OR8D1: variants seen among roughly 807,000 people sequenced by gnomAD.
The protein encoded by OR8D1 is olfactory receptor family 8 subfamily D member 1.
For synonymous variants in OR8D1, 143 were observed against 147.0 expected, an observed-to-expected ratio of 0.97 and a Z score of 0.20; for missense variants, 384 against 366.8, an observed-to-expected ratio of 1.05 and a Z score of -0.38.
Position 124,309,894 on chromosome 11 carries a change from A to C in OR8D1, c.873T>G (p.Ser291Arg). 6.6e-7 allele frequency: 1 copy of C among 1,504,370 alleles called. No homozygotes were observed. The highest frequency in any genetic ancestry group is 1.4e-5 in the African/African-American group (1 of 71,610). The allele number at this position is 1,504,370 out of a possible 1,614,324, so 93.2% of individuals were successfully genotyped here. ...CTTTCTTCACATCCTTATTCCTCAG[A>C]CTGTATATTAAAGGGTTCAGCATGG... ...VIPMLNPLIYSLRNKDVKKAL... is the reference protein window; with the variant it reads ...VIPMLNPLIYRLRNKDVKKAL... The change falls in exon 3 of 3, where the codon AGT becomes AGG. Residue 291 changes from serine to arginine, a missense_variant. Coordinates refer to ENST00000641015, the MANE Select transcript of OR8D1 (RefSeq NM_001002917.2).
chr11:124,313,089 G>A (rs764903770), intron 1 of OR8D1, among the ~76,000 whole-genome samples: 29 of 151,508 alleles, frequency 1.9e-4, no homozygotes, highest in Non-Finnish European at 3.5e-4. Context: ...CAGGAGAATC[G>A]CTTGAACCTG....
Position 124,310,794 on chromosome 11 carries a change from G to T in OR8D1, c.-16-12C>A. 1 of 1,560,924 alleles carries T rather than the reference G, an allele frequency of 6.4e-7. No individual in the cohort carries two copies. Among genetic ancestry groups the T allele is most frequent in the East Asian group, 2.3e-5 (1 of 44,434 alleles). On this transcript the variant is annotated splice_polypyrimidine_tract_variant and intron_variant, in intron 2 of 2. Transcript: ENST00000641015. ...TTCTTTAGGCATTTCTGTGAAAATA[G>T]AAAGTATGAATTACCTTAACATGGA... is the stretch of plus-strand genomic sequence containing the variant.
In OR8D1 at chr11:124,305,534, G is replaced by T. The variant is rs1294775157; in HGVS notation, c.*4306C>A. 1 of 151,558 alleles carries T rather than the reference G, an allele frequency of 6.6e-6. No individual in the cohort carries two copies. Among genetic ancestry groups the T allele is most frequent in the Non-Finnish European group, 1.5e-5 (1 of 67,782 alleles). 9.4% of individuals were successfully genotyped at this position (151,558 alleles called of 1,614,324 possible). On this transcript the variant is annotated 3_prime_UTR_variant, in exon 3 of 3. Coordinates refer to ENST00000641015, the MANE Select transcript of OR8D1 (RefSeq NM_001002917.2). ...ATATAGTGGGTACTTCTTGAAGATG[G>T]GTATTGACTCGGGAAAAGCAAAAGG...
In OR8D1 at chr11:124,310,116, G is replaced by A. The variant is rs776973252; in HGVS notation, c.651C>T (p.Ser217=). The A allele has an allele frequency of 6.2e-7, 1 of 1,613,700 alleles. No homozygotes were observed. The highest frequency in any genetic ancestry group is 1.7e-5 in the Admixed American group (1 of 59,954). Residue 217 remains serine (S), a synonymous_variant, in exon 3 of 3, where the codon TCC becomes TCT. Coordinates refer to ENST00000641015, the MANE Select transcript of OR8D1 (RefSeq NM_001002917.2). ...GGATGCTGTAGAGGATGAAGGCATA[G>A]GAGACAGCAACAGCTAGGGTGGGCA... ...TLVPTLAVAV[S]YAFILYSILH...
In OR8D1 at chr11:124,305,485, GA is replaced by G. The variant is rs1862361590; in HGVS notation, c.*4354del. 6.6e-6 allele frequency: 1 copy of G among 151,060 alleles called. No homozygotes were observed. Among genetic ancestry groups the G allele is most frequent in the Admixed American group, 6.6e-5 (1 of 15,124 alleles). 9.4% of individuals were successfully genotyped at this position (151,060 alleles called of 1,614,324 possible). A position where few individuals can be genotyped will look rare whatever the true frequency, so the allele number is the denominator to read the frequency against. On this transcript the variant is annotated 3_prime_UTR_variant, in exon 3 of 3. Transcript: ENST00000641015. ...GTTTGTATACAGTTCAAAAAAAAAA[GA>G]AAATGACCAATTGTACAAGTCAATA... is the stretch of plus-strand genomic sequence containing the variant.
rs515395 is a variant in OR8D1 at position 124,311,553 on chromosome 11, C to T, written c.-17+19G>A. The T allele has an allele frequency of 0.24, 36,792 of 152,108 alleles. 4,869 individuals carry two copies. Among genetic ancestry groups the T allele is most frequent in the South Asian group, 0.35 (1,689 of 4,802 alleles). 9.4% of individuals were successfully genotyped at this position (152,108 alleles called of 1,614,324 possible). On this transcript the variant is annotated intron_variant, in intron 2 of 2. Transcript: ENST00000641015. The stretch of plus-strand genomic sequence containing the variant: ...CTTCCCCCCTGACTTACGAGATCCG[C>T]ACACCCCACAGAACAGACCTTACGG...
chr11:124,312,454 T>C (rs1002342254), intron 1 of OR8D1, among the ~76,000 whole-genome samples: 1 of 151,834 alleles, frequency 6.6e-6, no homozygotes, highest in Non-Finnish European at 1.5e-5. Context: ...AGCAGAGCTA[T>C]GCAAGCTGAA....
In OR8D1 at chr11:124,310,630, A is replaced by C. The variant is rs777343088; in HGVS notation, c.137T>G (p.Ile46Ser). The change falls in exon 3 of 3, where the codon ATT becomes AGT. Residue 46 changes from isoleucine to serine, a missense_variant. By Grantham distance (142) the Ile-to-Ser change is moderately radical (BLOSUM62 -2). Transcript: ENST00000641015. ...VVTVVGNLGM[I>S]LLIAVSPLLH... ...TAGAGGGCTGACTGCAATCAGGAGA[A>C]TCATGCCCAGGTTGCCCACTACTGT... The C allele has an allele frequency of 6.2e-7, 1 of 1,613,968 alleles. No homozygotes were observed. The highest frequency in any genetic ancestry group is 1.7e-4 in the Middle Eastern group (1 of 6,060).
Position 124,307,509 on chromosome 11 carries a change from C to G in OR8D1, c.*2331G>C, listed in dbSNP as rs1862378575. The G allele has an allele frequency of 6.6e-6, 1 of 152,114 alleles. No individual in the cohort carries two copies. Among genetic ancestry groups the G allele is most frequent in the Non-Finnish European group, 1.5e-5 (1 of 68,040 alleles). The allele number at this position is 152,114 out of a possible 1,614,324, so 9.4% of individuals were successfully genotyped here. ...CAAATGCCTCAGGAAAGGCTGTCTT[C>G]TGAAAAATGTGAGCAAAGTGAGGCT... On this transcript the variant is annotated 3_prime_UTR_variant, in exon 3 of 3. Transcript: ENST00000641015.
rs951091197 is a variant in OR8D1, at chr11:124,309,207, A to T, written c.*633T>A. 1 of 147,536 alleles carries T rather than the reference A, an allele frequency of 6.8e-6. No homozygotes were observed. The highest frequency in any genetic ancestry group is 2.4e-5 in the African/African-American group (1 of 41,168). The allele number at this position is 147,536 out of a possible 1,614,324, so 9.1% of individuals were successfully genotyped here. A position where few individuals can be genotyped will look rare whatever the true frequency, so the allele number is the denominator to read the frequency against. On this transcript the variant is annotated 3_prime_UTR_variant, in exon 3 of 3. Transcript: ENST00000641015. ...TAAAGTAGATATACAAATACAAAAA[A>T]AACAAAACCAGATCCATGAAGAACA...
chr11:124,313,112 T>C (rs1862436566), intron 1 of OR8D1, among the ~76,000 whole-genome samples: 1 of 151,032 alleles, frequency 6.6e-6, no homozygotes, highest in South Asian at 2.1e-4. Flanking sequence ...AGGCAGAGGT[T>C]GCAATGAGCC....
intron 2 of OR8D1, among the ~76,000 whole-genome samples, chr11:124,311,205 C>T (rs1004987466): frequency 1.3e-5 from 2 of 152,254 alleles, no homozygotes; most frequent in Admixed American, 1.3e-4. Context: ...GAGGATGACG[C>T]CTCAGCCTCG....
intron 2 of OR8D1, 63 bp from the exon 3 acceptor site, chr11:124,310,845 C>A: frequency 9.3e-7 from 1 of 1,079,322 alleles, no homozygotes; most frequent in Admixed American, 2.3e-5. Flanking sequence ...CAAACAAAAC[C>A]AAATTGCATA....
chr11:124,307,822 C>G lies in OR8D1; in HGVS notation c.*2018G>C, dbSNP rs762340145. On this transcript the variant is annotated 3_prime_UTR_variant, in exon 3 of 3. Coordinates refer to ENST00000641015, the MANE Select transcript of OR8D1 (RefSeq NM_001002917.2). The stretch of plus-strand genomic sequence containing the variant: ...TTAACTCTCACCAAATGGTCTCAAG[C>G]TCTCCCTGGATTTGTTAAATGTATA... 6.6e-6 allele frequency: 1 copy of G among 152,072 alleles called. No individual in the cohort carries two copies. The highest frequency in any genetic ancestry group is 1.9e-4 in the East Asian group (1 of 5,180). The allele number at this position is 152,072 out of a possible 1,614,324, so 9.4% of individuals were successfully genotyped here. A position where few individuals can be genotyped will look rare whatever the true frequency, so the allele number is the denominator to read the frequency against.
At position 124,304,783 on chromosome 11, in the gene OR8D1, A is replaced by T. The variant is rs1862354239; in HGVS notation, c.*5057T>A. 6.6e-6 allele frequency: 1 copy of T among 151,916 alleles called. No homozygotes were observed. Among genetic ancestry groups the T allele is most frequent in the Non-Finnish European group, 1.5e-5 (1 of 67,890 alleles). 9.4% of individuals were successfully genotyped at this position (151,916 alleles called of 1,614,324 possible). ...ATTGGTTGTAGGAATTATTTATAAA[A>T]GTTGGATATAAGTCATTTGTTGGAC... On this transcript the variant is annotated 3_prime_UTR_variant, in exon 3 of 3. Coordinates refer to ENST00000641015, the MANE Select transcript of OR8D1 (RefSeq NM_001002917.2).
chr11:124,310,852 C>T, intron 2 of OR8D1, 70 bp from the exon 3 acceptor site: 1 of 971,934 alleles, frequency 1.0e-6, no homozygotes, highest in Non-Finnish European at 1.5e-6. Flanking sequence ...AACCAAATTG[C>T]ATAAGGGAGG....
At chr11:124,313,430 A>G (rs1862441005) in intron 1 of OR8D1, among the ~76,000 whole-genome samples, 1 of 152,208 alleles carries the variant, frequency 6.6e-6, no homozygotes, top group African/African-American at 2.4e-5. Context: ...CGTAAGCCAG[A>G]AGAATTTCAG....
chr11:124,312,157 A>T (rs1023471947), intron 1 of OR8D1, among the ~76,000 whole-genome samples: 3 of 152,220 alleles, frequency 2.0e-5, no homozygotes, highest in African/African-American at 4.8e-5. Flanking sequence ...CATATTGTTA[A>T]ATACAATTGA....
chr11:124,305,633 CA>C lies in OR8D1; in HGVS notation c.*4206del, dbSNP rs140594535. 6 of 151,760 alleles carry C rather than the reference CA, an allele frequency of 4.0e-5. No individual in the cohort carries two copies. The East Asian group carries it at 1.2e-3, about 29-fold the overall frequency. The allele number at this position is 151,760 out of a possible 1,614,324, so 9.4% of individuals were successfully genotyped here. A position where few individuals can be genotyped will look rare whatever the true frequency, so the allele number is the denominator to read the frequency against. ...ACTAAATAGATATAAACATCATTAG[CA>C]ATTTAAAGAGCTATACTCTTGGTGC... On this transcript the variant is annotated 3_prime_UTR_variant, in exon 3 of 3. Transcript: ENST00000641015.
Sources: gnomAD v4.1 joint callset for allele counts (sites outside exome capture counted in the v4.1 genomes callset) on GRCh38, gnomAD v4.1.1 for gene constraint, MANE v1.5 for transcripts, NCBI Gene and HGNC (gene_info 2026-07-23, HGNC 2026-07-21) for gene names.